Variants in MGRN1 observed in about 807,000 individuals in gnomAD.
MGRN1 encodes the protein mahogunin ring finger 1, also known as E3 ubiquitin-protein ligase MGRN1.
Under a neutral mutation model 69.2 loss-of-function variants are expected in MGRN1, and 29 were observed. The ratio of observed to expected loss-of-function variants is 0.42; its 90% confidence interval spans 0.31 to 0.57. The LOEUF (loss-of-function observed/expected upper bound fraction) is 0.57. Ranked by LOEUF, MGRN1 falls within the 20% of genes least tolerant of loss-of-function variation. The probability of loss-of-function intolerance (pLI) is 0.15; values close to 1 mark genes in which losing one functional copy is unlikely to be tolerated. For missense variants in MGRN1, 998 were observed against 796.2 expected, an observed-to-expected ratio of 1.25 and a Z score of -3.05; for synonymous variants, 470 against 344.2, an observed-to-expected ratio of 1.37 and a Z score of -4.04.
intron 16 of MGRN1, chr16:4,686,603 A>C (rs908035239): frequency 1.6e-6 from 2 of 1,218,594 alleles, no homozygotes; most frequent in Admixed American, 4.2e-5. Context: ...CAGCCCAGGC[A>C]GGGAGACAGA....
chr16:4,628,022 G>A (rs1897777942), intron 1 of MGRN1, among the ~76,000 whole-genome samples: 1 of 149,258 alleles, frequency 6.7e-6, no homozygotes, highest in South Asian at 2.1e-4. Context: ...GGAGGTTGCA[G>A]TGAGCCGAGA....
Position 4,644,276 on chromosome 16 carries a change from G to T in MGRN1, c.89-6089G>T, listed in dbSNP as rs144198301. 2.9e-3 allele frequency among the ~76,000 whole-genome samples: 435 copies of T among 149,226 alleles called. 9 individuals carry two copies. In the East Asian group the frequency reaches 0.053, roughly 18 times the overall value. ...CAAAGTGCTGGGTTTACAGGTGTTA[G>T]CCACCGTGCTTGGACCCCTCAATTA... is the stretch of plus-strand genomic sequence containing the variant. On this transcript the variant is annotated intron_variant, in intron 1 of 16. Coordinates refer to ENST00000262370, the MANE Select transcript of MGRN1 (RefSeq NM_015246.4).
intron 1 of MGRN1, among the ~76,000 whole-genome samples, chr16:4,641,515 CTTTT>C (rs542014508): frequency 1.5e-5 from 2 of 135,410 alleles, no homozygotes; most frequent in Non-Finnish European, 3.2e-5. Flanking sequence ...TGCCTGGCTA[CTTTT>C]TTTTTTTTTT....
chr16:4,633,886 T>G (rs1029990667), intron 1 of MGRN1: 7 of 151,966 alleles, frequency 4.6e-5, no homozygotes, highest in African/African-American at 1.7e-4. Context: ...CCCGGCCAAT[T>G]TTTTGTATTA....
chr16:4,668,752 A>T (rs1166962037), intron 8 of MGRN1, among the ~76,000 whole-genome samples: 1 of 127,246 alleles, frequency 7.9e-6, no homozygotes. Flanking sequence ...ATACACACAC[A>T]TATACCCATT....
intron 9 of MGRN1, chr16:4,672,310 G>A: frequency 2.2e-6 from 1 of 456,284 alleles, no homozygotes; most frequent in East Asian, 7.0e-5. Flanking sequence ...GCCTCCCAAA[G>A]TGCTGGGATT....
chr16:4,658,570 C>T (rs1014883917), intron 5 of MGRN1, among the ~76,000 whole-genome samples: 4 of 151,834 alleles, frequency 2.6e-5, no homozygotes, highest in Non-Finnish European at 5.9e-5. Flanking sequence ...CTTGTGGGTC[C>T]CAGGTCTGAG....
At chr16:4,673,452 T>G in intron 9 of MGRN1, 46 bp from the exon 10 acceptor site, 2 of 1,598,184 alleles carry the variant, frequency 1.3e-6, no homozygotes, top group Non-Finnish European at 1.7e-6. Flanking sequence ...GGAGCCGTAC[T>G]CTGGCCTTTG....
intron 10 of MGRN1, among the ~76,000 whole-genome samples, chr16:4,676,617 C>T (rs535191523): frequency 4.6e-5 from 7 of 152,196 alleles, no homozygotes; most frequent in Non-Finnish European, 1.0e-4. Flanking sequence ...GGCCCTGTCC[C>T]TGGGCTGACG....
intron 10 of MGRN1, among the ~76,000 whole-genome samples, chr16:4,674,748 C>A (rs1419930098): frequency 1.4e-5 from 2 of 142,292 alleles, no homozygotes; most frequent in Admixed American, 1.5e-4. Context: ...TCACGCCATT[C>A]TCCTGCCTCA....
In MGRN1 at chr16:4,677,510, G is replaced by T. The variant is rs760512522; in HGVS notation, c.1003G>T (p.Ala335Ser). 103 of 1,595,766 alleles carry T rather than the reference G, an allele frequency of 6.5e-5. 6 individuals carry two copies. In the South Asian group the frequency reaches 1.1e-3, roughly 17 times the overall value. ...QIRAVRKKPG[A>S]LSPVSFSPVL... ...CCGGGCGGTGCGGAAGAAGCCAGGAGCCCTGTCCCCCGTGTCCTTCAGCCC... is the reference window on the plus strand; with the variant it reads ...CCGGGCGGTGCGGAAGAAGCCAGGATCCCTGTCCCCCGTGTCCTTCAGCCC... The change falls in exon 11 of 17, where the codon GCC becomes TCC. Residue 335 changes from alanine to serine, a missense_variant. Physicochemically the swap from Ala to Ser is moderately conservative, Grantham distance 99. Transcript: ENST00000262370.
chr16:4,673,331 G>T (rs1231541768), intron 9 of MGRN1, among the ~76,000 whole-genome samples, 167 bp from the exon 10 acceptor site: 2 of 152,082 alleles, frequency 1.3e-5, no homozygotes, highest in East Asian at 3.9e-4. Context: ...CTGGATTTGA[G>T]CCTGGTGATT....
Position 4,664,704 on chromosome 16 carries a change from C to G in MGRN1, c.562-5C>G. On this transcript the variant is annotated splice_region_variant and splice_polypyrimidine_tract_variant and intron_variant, in intron 5 of 16. Transcript: ENST00000262370. Reference sequence around the variant, plus strand: ...CCTGACCATTCTTGGCAACTCTCTCCTCAGCTGAACTTTGACCTGGACCGG... The same window carrying G: ...CCTGACCATTCTTGGCAACTCTCTCGTCAGCTGAACTTTGACCTGGACCGG... The G allele has an allele frequency of 6.2e-7, 1 of 1,614,210 alleles. No homozygotes were observed.
rs74400431 is a variant in MGRN1 at position 4,667,686 on chromosome 16, T to A, written c.679-579T>A. The stretch of plus-strand genomic sequence containing the variant: ...GGATAATGAGTGTTGTTGCGAGGTC[T>A]CCGATCTCAAGCCGTAATTAACCTT... On this transcript the variant is annotated intron_variant, in intron 7 of 16. Coordinates refer to ENST00000262370, the MANE Select transcript of MGRN1 (RefSeq NM_015246.4). Among the ~76,000 whole-genome samples the A allele has an allele frequency of 3.9e-3, 593 of 152,360 alleles. 3 individuals are homozygous for A. The highest frequency in any genetic ancestry group is 0.014 in the African/African-American group (569 of 41,576).
chr16:4,632,173 C>T (rs1208955437), intron 1 of MGRN1, among the ~76,000 whole-genome samples: 4 of 135,402 alleles, frequency 3.0e-5, no homozygotes, highest in Admixed American at 7.8e-5. Flanking sequence ...CATGCCACCA[C>T]GCCCAGCTAA....
At position 4,625,371 on chromosome 16, in the gene MGRN1, G is replaced by T. The variant is rs551165398; in HGVS notation, c.88+323G>T. Among the ~76,000 whole-genome samples, 5 of 152,360 alleles carry T rather than the reference G, an allele frequency of 3.3e-5. No homozygotes were observed. The South Asian group carries it at 1.0e-3, about 32-fold the overall frequency. On this transcript the variant is annotated intron_variant, in intron 1 of 16. Coordinates refer to ENST00000262370, the MANE Select transcript of MGRN1 (RefSeq NM_015246.4). ...AACCCCGAGGGCGGGGCGGGGTGCTGAGCGCGGGTCCCGGCGCATCGCTTC... is the reference window on the plus strand; with the variant it reads ...AACCCCGAGGGCGGGGCGGGGTGCTTAGCGCGGGTCCCGGCGCATCGCTTC...
rs112150357 is a variant in MGRN1 at position 4,671,834 on chromosome 16, A to G, written c.795+375A>G. ...GATGCTTATTCTGTATGTCCATAGA[A>G]CCAGTCCTGGTGCCTGACAAATAAG... On this transcript the variant is annotated intron_variant, in intron 9 of 16. Coordinates refer to ENST00000262370, the MANE Select transcript of MGRN1 (RefSeq NM_015246.4). Among the ~76,000 whole-genome samples, 1,092 of 152,254 alleles carry G rather than the reference A, an allele frequency of 7.2e-3. 21 individuals carry two copies. Among genetic ancestry groups the G allele is most frequent in the African/African-American group, 0.025 (1,041 of 41,542 alleles).
At chr16:4,645,560 A>G (rs934643302) in intron 1 of MGRN1, among the ~76,000 whole-genome samples, 2 of 152,136 alleles carry the variant, frequency 1.3e-5, no homozygotes, top group African/African-American at 4.8e-5. Flanking sequence ...TGTGGAGAAG[A>G]ATAAGGCTGG....
intron 16 of MGRN1, chr16:4,688,445 A>G (rs1352936231): frequency 5.6e-6 from 6 of 1,080,734 alleles, no homozygotes; most frequent in Non-Finnish European, 6.7e-6. Context: ...GAACCTTGGC[A>G]GGACAGTGGC....
Sources: gnomAD v4.1 joint callset for allele counts (sites outside exome capture counted in the v4.1 genomes callset) on GRCh38, gnomAD v4.1.1 for gene constraint, MANE v1.5 for transcripts, NCBI Gene and HGNC (gene_info 2026-07-23, HGNC 2026-07-21) for gene names.